The following FHOD3 variants were observed in gnomAD, a reference collection of about 807,000 sequenced individuals.
FHOD3 encodes formin homology 2 domain containing 3.
In FHOD3, 90 loss-of-function variants were observed where a neutral mutation model predicts 173.0. The ratio of observed to expected loss-of-function variants is 0.52; its 90% CI spans 0.44 to 0.62. FHOD3 has a LOEUF of 0.62. Ranked by LOEUF, FHOD3 falls within the 20% of genes least tolerant of loss-of-function variation. The pLI is 0.00. For missense variants in FHOD3, 1,945 were observed against 2,034.7 expected (o/e 0.96, Z 0.85); for synonymous variants, 828 against 823.0 (o/e 1.01, Z -0.10).
chr18:36,579,935 G>A (rs984389375), intron 6 of FHOD3, among the ~76,000 whole-genome samples: 10 of 151,188 alleles, frequency 6.6e-5, no homozygotes, highest in Non-Finnish European at 1.0e-4. Flanking sequence ...AAGAAGAAGA[G>A]CAGCAGAGAA....
At chr18:36,740,058 A>G (rs778351075) in intron 20 of FHOD3, among the ~76,000 whole-genome samples, 2 of 152,230 alleles carry the variant, frequency 1.3e-5, no homozygotes, top group Non-Finnish European at 2.9e-5. Flanking sequence ...TAGGAGAATC[A>G]TAAGTATTCT....
intron 15 of FHOD3, among the ~76,000 whole-genome samples, chr18:36,686,697 T>C (rs1568606885): frequency 2.6e-5 from 4 of 151,490 alleles, no homozygotes; most frequent in South Asian, 2.1e-4. Flanking sequence ...GAGTGCAACA[T>C]AGAATGGCCA....
chr18:36,510,622 T>C (rs2055579669), intron 4 of FHOD3, among the ~76,000 whole-genome samples: 1 of 152,220 alleles, frequency 6.6e-6, no homozygotes, highest in African/African-American at 2.4e-5. Flanking sequence ...AATAAACATT[T>C]GTTACATGCT....
At position 36,449,626 on chromosome 18, in the gene FHOD3, A is replaced by G. The variant is rs1351796065; in HGVS notation, c.338-52306A>G. On this transcript the variant is annotated intron_variant, in intron 3 of 28. Transcript: ENST00000590592. ...ATAACTAAATGCCTTCTAAAATAGCAGCAAAATATACAGCCTAAAACAACT... is the reference window on the plus strand; with the variant it reads ...ATAACTAAATGCCTTCTAAAATAGCGGCAAAATATACAGCCTAAAACAACT... Among the ~76,000 whole-genome samples the G allele has an allele frequency of 8.5e-5, 13 of 152,234 alleles. No individual in the cohort carries two copies. In the East Asian group the frequency reaches 2.3e-3, roughly 27 times the overall value.
chr18:36,321,024 G>A (rs1027303243), intron 1 of FHOD3, among the ~76,000 whole-genome samples: 7 of 151,948 alleles, frequency 4.6e-5, no homozygotes, highest in African/African-American at 1.7e-4. Flanking sequence ...TGAGAAAATG[G>A]GGCCACACCT....
At chr18:36,720,821 C>G (rs905474975) in intron 19 of FHOD3, among the ~76,000 whole-genome samples, 1 of 151,800 alleles carries the variant, frequency 6.6e-6, no homozygotes, top group Non-Finnish European at 1.5e-5. Context: ...CCCTCATTGC[C>G]CACTTGGCTG....
At chr18:36,659,707 T>G (rs1393489981) in intron 14 of FHOD3, among the ~76,000 whole-genome samples, 1 of 152,142 alleles carries the variant, frequency 6.6e-6, no homozygotes, top group East Asian at 1.9e-4. Context: ...GGGAACACTT[T>G]GGAGGTCTGT....
chr18:36,448,516 T>G (rs1237626505), intron 3 of FHOD3, among the ~76,000 whole-genome samples: 3 of 152,098 alleles, frequency 2.0e-5, no homozygotes, highest in African/African-American at 7.2e-5. Flanking sequence ...CAGTGGTGGG[T>G]TGCATCTCTC....
chr18:36,382,672 G>C (rs2047849894), intron 3 of FHOD3, among the ~76,000 whole-genome samples: 1 of 152,206 alleles, frequency 6.6e-6, no homozygotes, highest in South Asian at 2.1e-4. Flanking sequence ...CTCCTTTACA[G>C]CTTGGTCTGG....
At chr18:36,755,095 G>T in intron 24 of FHOD3, 24 bp from the exon 25 acceptor site, 1 of 1,493,860 alleles carries the variant, frequency 6.7e-7, no homozygotes, top group African/African-American at 1.4e-5. Flanking sequence ...GGAAGTCATT[G>T]CTATTACTGT....
chr18:36,473,241 C>T (rs1484974169), intron 3 of FHOD3, among the ~76,000 whole-genome samples: 2 of 152,174 alleles, frequency 1.3e-5, no homozygotes, highest in African/African-American at 4.8e-5. Flanking sequence ...TGGTGAAACC[C>T]TGTCTCTACT....
chr18:36,731,934 C>T (rs915520348), intron 20 of FHOD3, among the ~76,000 whole-genome samples: 29 of 152,142 alleles, frequency 1.9e-4, no homozygotes, highest in African/African-American at 6.8e-4. Flanking sequence ...TTCATGCCCA[C>T]CCAGGATGTG....
intron 7 of FHOD3, among the ~76,000 whole-genome samples, chr18:36,601,446 G>C (rs1429454889): frequency 6.6e-6 from 1 of 152,018 alleles, no homozygotes; most frequent in East Asian, 1.9e-4. Flanking sequence ...AATTGCTTCA[G>C]CTTAACCCAC....
chr18:36,681,390 T>C (rs1333476601), intron 14 of FHOD3, 46 bp from the exon 15 acceptor site: 5 of 1,610,082 alleles, frequency 3.1e-6, no homozygotes, highest in African/African-American at 1.3e-5. Context: ...TCAGTACTTT[T>C]AATCACAGGC....
chr18:36,708,052 A>G (rs2149661469), intron 17 of FHOD3, among the ~76,000 whole-genome samples: 1 of 152,290 alleles, frequency 6.6e-6, no homozygotes, highest in African/African-American at 2.4e-5. Flanking sequence ...CTCATAGCTG[A>G]GGGTTTTGCT....
chr18:36,692,876 G>C, intron 16 of FHOD3: 1 of 303,244 alleles, frequency 3.3e-6, no homozygotes, highest in South Asian at 3.9e-5. Context: ...CATCACTCTT[G>C]AGGCTTTTTG....
At chr18:36,622,853 C>A (rs981877658) in intron 9 of FHOD3, among the ~76,000 whole-genome samples, 5 of 152,294 alleles carry the variant, frequency 3.3e-5, no homozygotes, top group South Asian at 2.1e-4. Flanking sequence ...GCAAACAAAG[C>A]CTCTCTTCCT....
chr18:36,629,757 A>T (rs2034375380), intron 10 of FHOD3, among the ~76,000 whole-genome samples: 1 of 151,990 alleles, frequency 6.6e-6, no homozygotes, highest in African/African-American at 2.4e-5. Flanking sequence ...AGATTGAGGG[A>T]CACATGGAGA....
At chr18:36,766,883 A>G (rs866123705) in intron 27 of FHOD3, among the ~76,000 whole-genome samples, 6 of 152,226 alleles carry the variant, frequency 3.9e-5, no homozygotes, top group African/African-American at 1.4e-4. Flanking sequence ...TGAGCTTTGC[A>G]TGTTTTTAGA....
Sources: allele counts gnomAD v4.1 joint callset (sites outside exome capture counted in the v4.1 genomes callset), GRCh38; gene constraint gnomAD v4.1.1; transcripts MANE v1.5; gene names NCBI Gene and HGNC (gene_info 2026-07-23, HGNC 2026-07-21).